The following THBS4 variants were observed in gnomAD, a reference collection of about 807,000 sequenced individuals.
THBS4 encodes the protein thrombospondin-4.
A neutral mutation model predicts 115.7 loss-of-function variants in THBS4; 90 were observed. The observed-to-expected ratio is 0.78, with a 90% CI of 0.66 to 0.93. The LOEUF (loss-of-function observed/expected upper bound fraction) is 0.93. THBS4 is among the 40% of genes least tolerant of loss of function. The pLI, the probability that THBS4 is intolerant of heterozygous loss-of-function variation, is 0.00. For missense variants in THBS4, 1,087 were observed against 1,232.7 expected (o/e 0.88, Z 1.77); for synonymous variants, 460 against 479.3 (o/e 0.96, Z 0.53).
At chr5:80,076,480 G>C (rs747341261) in intron 15 of THBS4, among the ~76,000 whole-genome samples, 16 of 152,190 alleles carry the variant, frequency 1.1e-4, no homozygotes, top group Non-Finnish European at 2.1e-4. Context: ...GGGCACAGTG[G>C]CTGAGCCAGG....
At chr5:80,060,112 G>A (rs1167248322) in intron 7 of THBS4, among the ~76,000 whole-genome samples, 1 of 152,230 alleles carries the variant, frequency 6.6e-6, no homozygotes, top group Non-Finnish European at 1.5e-5. Flanking sequence ...TTTTTCCTCT[G>A]TGTTTCCAAC....
At chr5:80,040,462 C>T (rs971884981) in intron 2 of THBS4, among the ~76,000 whole-genome samples, 182 bp downstream of exon 2, 7 of 140,680 alleles carry the variant, frequency 5.0e-5, no homozygotes, top group African/African-American at 1.1e-4. Context: ...GGGTGGGGGG[C>T]GGTTCAGGAA....
chr5:80,032,114 T>G (rs1006099061), upstream of THBS4, among the ~76,000 whole-genome samples: 18 of 152,294 alleles, frequency 1.2e-4, no homozygotes, highest in African/African-American at 4.3e-4. Flanking sequence ...GAATAGATAT[T>G]TTAATAAGAA....
At chr5:80,043,838 C>T (rs1015037451) in intron 2 of THBS4, among the ~76,000 whole-genome samples, 4 of 152,158 alleles carry the variant, frequency 2.6e-5, no homozygotes, top group Admixed American at 1.3e-4. Context: ...CCTCTAGTGG[C>T]CCCCTTTCCA....
At chr5:80,036,074 A>T in intron 1 of THBS4, 1 of 989,022 alleles carries the variant, frequency 1.0e-6, no homozygotes, top group Non-Finnish European at 1.2e-6. Flanking sequence ...AAAGACGCAG[A>T]ATTACTCTAC....
chr5:80,059,154 A>AC (rs1430350012), intron 5 of THBS4, among the ~76,000 whole-genome samples: 4 of 151,856 alleles, frequency 2.6e-5, no homozygotes. Context: ...ACATGGTGAA[A>AC]CCCCGTCTCT....
intron 9 of THBS4, chr5:80,067,736 C>A: frequency 2.2e-6 from 1 of 458,180 alleles, no homozygotes; most frequent in South Asian, 2.5e-5. Context: ...GTCCAGCCTT[C>A]TTCCTTCACT....
intron 11 of THBS4, 99 bp from the exon 12 acceptor site, chr5:80,070,544 C>A: frequency 7.3e-7 from 1 of 1,378,526 alleles, no homozygotes; most frequent in Admixed American, 1.7e-5. Flanking sequence ...GGAAGTGAAA[C>A]AGCCACCAAC....
chr5:80,057,848 G>A (rs1833482278), intron 3 of THBS4, among the ~76,000 whole-genome samples: 1 of 152,120 alleles, frequency 6.6e-6, no homozygotes, highest in South Asian at 2.1e-4. Flanking sequence ...GTTTAAAATT[G>A]GGGTTAACAC....
In THBS4 at chr5:80,035,696, C is replaced by T. The variant is rs1832698114; in HGVS notation, c.88+71C>T. 1 of 1,106,034 alleles carries T rather than the reference C, an allele frequency of 9.0e-7. No homozygotes were observed. Among genetic ancestry groups the T allele is most frequent in the Non-Finnish European group, 1.2e-6 (1 of 856,878 alleles). The allele number at this position is 1,106,034 out of a possible 1,614,324, so 68.5% of individuals were successfully genotyped here. A position where few individuals can be genotyped will look rare whatever the true frequency, so the allele number is the denominator to read the frequency against. Reference sequence around the variant, plus strand: ...CCCATCTGCTGAGTGAGTGGAGGGACTTGCTCGGCCCTGTGCTCCTGTGGC... The same window carrying T: ...CCCATCTGCTGAGTGAGTGGAGGGATTTGCTCGGCCCTGTGCTCCTGTGGC... On this transcript the variant is annotated intron_variant, in intron 1 of 21. Transcript: ENST00000350881. The surrounding 1 kb of genome is among the most constrained non-coding windows in gnomAD (Gnocchi z 4.6).
intron 10 of THBS4, among the ~76,000 whole-genome samples, chr5:80,069,980 C>T (rs1220789484): frequency 1.3e-5 from 2 of 152,214 alleles, no homozygotes; most frequent in Non-Finnish European, 2.9e-5. Context: ...CCTCCCGTCC[C>T]AGGTCAGCTT....
At position 80,076,989 on chromosome 5, in the gene THBS4, T is replaced by C. The variant is rs1743250310; in HGVS notation, c.2027T>C (p.Val676Ala). 6.2e-7 allele frequency: 1 copy of C among 1,613,154 alleles called. No individual in the cohort carries two copies. The highest frequency in any genetic ancestry group is 1.7e-5 in the Admixed American group (1 of 59,928). The change falls in exon 16 of 22, where the codon GTG becomes GCG. Residue 676 changes from valine to alanine, a missense_variant. Transcript: ENST00000350881. The part of the protein sequence containing the change: ...DDDNDGIPDL[V>A]PPGPDNCRLV... Reference sequence around the variant, plus strand: ...GACAATGATGGTATCCCAGACCTGGTGCCCCCTGGACCAGACAACTGCCGG... The same window carrying C: ...GACAATGATGGTATCCCAGACCTGGCGCCCCCTGGACCAGACAACTGCCGG...
chr5:80,003,536 T>C (rs1831952211), intron 2 of THBS4, among the ~76,000 whole-genome samples: 1 of 152,208 alleles, frequency 6.6e-6, no homozygotes, highest in African/African-American at 2.4e-5. Context: ...CATGGTATTC[T>C]CATCTCTACT....
intron 7 of THBS4, among the ~76,000 whole-genome samples, chr5:80,060,743 C>G (rs867285271): frequency 2.0e-5 from 3 of 151,960 alleles, no homozygotes; most frequent in Admixed American, 1.3e-4. Context: ...TGGGCACAAC[C>G]CTGTCTCAAA....
chr5:79,995,110 G>A (rs1175254315), intron 1 of THBS4, among the ~76,000 whole-genome samples: 2 of 152,186 alleles, frequency 1.3e-5, no homozygotes, highest in Admixed American at 6.5e-5. Context: ...ACTGCTCAGG[G>A]AGAGTATTGG....
At chr5:80,016,173 A>G (rs1832246500) in intron 2 of THBS4, among the ~76,000 whole-genome samples, 1 of 152,208 alleles carries the variant, frequency 6.6e-6, no homozygotes, top group Non-Finnish European at 1.5e-5. Flanking sequence ...TCTGATTGAC[A>G]TGGTCTTGCC....
intron 2 of THBS4, among the ~76,000 whole-genome samples, chr5:80,025,296 T>G (rs1832454998): frequency 6.6e-6 from 1 of 152,208 alleles, no homozygotes; most frequent in Non-Finnish European, 1.5e-5. Context: ...ACATATGTAT[T>G]AGAACATTGT....
chr5:80,082,883 G>A (rs980179318), intron 21 of THBS4, among the ~76,000 whole-genome samples, 197 bp from the exon 22 acceptor site: 10 of 152,336 alleles, frequency 6.6e-5, no homozygotes, highest in East Asian at 1.9e-4. Flanking sequence ...TTTTCTGCAC[G>A]GCCGGGAAGG....
intron 2 of THBS4, among the ~76,000 whole-genome samples, chr5:79,999,441 G>C (rs1831855840): frequency 6.6e-6 from 1 of 152,024 alleles, no homozygotes; most frequent in Non-Finnish European, 1.5e-5. Flanking sequence ...CTTTTTTTAT[G>C]GTAGTAATTG....
Sources: allele counts gnomAD v4.1 joint callset (sites outside exome capture counted in the v4.1 genomes callset), GRCh38; gene constraint gnomAD v4.1.1; non-coding constraint Gnocchi (gnomAD v3.1); transcripts MANE v1.5; gene names NCBI Gene and HGNC (gene_info 2026-07-23, HGNC 2026-07-21).